Variants in MKLN1 observed in about 807,000 individuals in gnomAD.
MKLN1 encodes the protein muskelin.
A neutral mutation model predicts 99.0 loss-of-function variants in MKLN1; 18 were observed. The ratio of observed to expected loss-of-function variants is 0.18; its 90% CI spans 0.13 to 0.27. The LOEUF (loss-of-function observed/expected upper bound fraction) is 0.27. Among genes scored for constraint, MKLN1 ranks in the 10% least tolerant of loss-of-function variants. MKLN1 has a pLI of 1.00. For synonymous variants in MKLN1, 288 were observed against 293.2 expected (o/e 0.98, Z 0.18); for missense variants, 621 against 875.9 (o/e 0.71, Z 3.67).
chr7:131,405,421 T>G (rs956101140), intron 6 of MKLN1, among the ~76,000 whole-genome samples: 2 of 152,036 alleles, frequency 1.3e-5, no homozygotes, highest in African/African-American at 4.8e-5. Context: ...CAATTTTTGG[T>G]TTGTTCATCT....
intron 3 of MKLN1, among the ~76,000 whole-genome samples, chr7:131,230,893 G>A (rs1231567711): frequency 6.6e-6 from 1 of 152,040 alleles, no homozygotes; most frequent in Non-Finnish European, 1.5e-5. Flanking sequence ...GGCCGAGGCA[G>A]ATGGATCACT....
rs572345172 is a variant in MKLN1 at position 131,490,752 on chromosome 7, G to T, written c.*3024G>T. ...CTCAGTGATTTAAGCTTGTAAAACTGCATTCTTGGGCAAAATATTTATATT... is the reference window on the plus strand; with the variant it reads ...CTCAGTGATTTAAGCTTGTAAAACTTCATTCTTGGGCAAAATATTTATATT... On this transcript the variant is annotated 3_prime_UTR_variant, in exon 18 of 18. Transcript: ENST00000352689. 6.5e-6 allele frequency: 1 copy of T among 152,684 alleles called. No individual in the cohort carries two copies. Among genetic ancestry groups the T allele is most frequent in the East Asian group, 1.9e-4 (1 of 5,180 alleles). The allele number at this position is 152,684 out of a possible 1,614,324, so 9.5% of individuals were successfully genotyped here.
intron 3 of MKLN1, among the ~76,000 whole-genome samples, chr7:131,206,037 G>A (rs990790406): frequency 6.6e-6 from 1 of 152,166 alleles, no homozygotes; most frequent in South Asian, 2.1e-4. Context: ...GGGACTACAG[G>A]TGGGTGCCAC....
chr7:131,378,564 T>C (rs761541940), intron 2 of MKLN1, among the ~76,000 whole-genome samples: 11 of 152,218 alleles, frequency 7.2e-5, no homozygotes, highest in African/African-American at 2.7e-4. Context: ...ACGTGGTGGC[T>C]CATGCCTGTA....
At chr7:131,376,958 T>G (rs1016507128) in intron 2 of MKLN1, among the ~76,000 whole-genome samples, 8 of 152,280 alleles carry the variant, frequency 5.3e-5, no homozygotes, top group African/African-American at 1.7e-4. Flanking sequence ...TGACTAGCTG[T>G]TTTTTAACAT....
At chr7:131,192,693 C>G (rs530375738) in intron 2 of MKLN1, among the ~76,000 whole-genome samples, 5 of 151,642 alleles carry the variant, frequency 3.3e-5, no homozygotes, top group African/African-American at 9.7e-5. Context: ...AGGCACCCAC[C>G]ACCACGCCCT....
intron 12 of MKLN1, among the ~76,000 whole-genome samples, chr7:131,457,518 GA>G (rs1043635583): frequency 1.3e-5 from 2 of 151,922 alleles, no homozygotes; most frequent in Non-Finnish European, 2.9e-5. Context: ...AAAAGCGAGG[GA>G]AAAAAGATAA....
At chr7:131,155,734 T>C (rs68056161) in intron 2 of MKLN1, among the ~76,000 whole-genome samples, 34,977 of 152,148 alleles carry the variant, frequency 0.23, 5,310 homozygotes, top group East Asian at 0.66. Context: ...TTTTATACTT[T>C]AGAAAACGAA....
At chr7:131,347,586 G>A (rs1264574738) in intron 1 of MKLN1, among the ~76,000 whole-genome samples, 3 of 152,098 alleles carry the variant, frequency 2.0e-5, no homozygotes, top group African/African-American at 7.2e-5. Context: ...AGCTGGTAAA[G>A]GAAAAATAAA....
At chr7:131,277,786 T>G (rs1294908706) in intron 3 of MKLN1, among the ~76,000 whole-genome samples, 2 of 152,230 alleles carry the variant, frequency 1.3e-5, no homozygotes, top group Non-Finnish European at 2.9e-5. Context: ...TTGTCTTTTC[T>G]TCTTTAAAAG....
At chr7:131,335,864 T>C (rs557068688) in intron 1 of MKLN1, among the ~76,000 whole-genome samples, 41 of 152,154 alleles carry the variant, frequency 2.7e-4, no homozygotes, top group African/African-American at 9.9e-4. Context: ...TTTATAAATG[T>C]TTATGTACCC....
At chr7:131,196,527 AT>A (rs34216169) in intron 2 of MKLN1, among the ~76,000 whole-genome samples, 129,509 of 151,030 alleles carry the variant, frequency 0.86, 55,573 homozygotes, top group East Asian at 1. Context: ...CGACACATTC[AT>A]TTTTTTTTTT....
chr7:131,472,947 C>CAAAAAA (rs34420594), intron 16 of MKLN1, among the ~76,000 whole-genome samples: 2 of 81,150 alleles, frequency 2.5e-5, no homozygotes, highest in African/African-American at 4.7e-5. Context: ...GATTCCATCT[C>CAAAAAA]AAAAAAAAAA....
In MKLN1 at chr7:131,153,665, T is replaced by TG. The variant is rs1473254124; in HGVS notation, c.-297+10724_-297+10725insG. Among the ~76,000 whole-genome samples, 28 of 99,322 alleles carry TG rather than the reference T, an allele frequency of 2.8e-4. 1 individual carries two copies. In the East Asian group the frequency reaches 4.0e-3, roughly 14 times the overall value. 65.2% of individuals were successfully genotyped at this position (99,322 alleles called of 152,430 possible). On this transcript the variant is annotated intron_variant, in intron 2 of 7. Transcript: ENST00000416992. ...CAAAATGAAAGTAGGTTTTTTTTGG[T>TG]TTTTTTTTTTTTTTTGAGAAGGAGT...
chr7:131,115,603 C>T (rs1795263838), intron 1 of MKLN1, among the ~76,000 whole-genome samples: 1 of 152,144 alleles, frequency 6.6e-6, no homozygotes, highest in Admixed American at 6.5e-5. Flanking sequence ...GTGATAAAGT[C>T]CAGACTCCTC....
intron 2 of MKLN1, among the ~76,000 whole-genome samples, chr7:131,143,161 C>G (rs1795762153): frequency 6.6e-6 from 1 of 152,132 alleles, no homozygotes; most frequent in Non-Finnish European, 1.5e-5. Context: ...ATTTTCTCCT[C>G]TGTTTCATGA....
chr7:131,282,176 T>A (rs1374826187), intron 3 of MKLN1, among the ~76,000 whole-genome samples: 3 of 151,754 alleles, frequency 2.0e-5, no homozygotes, highest in African/African-American at 4.8e-5. Context: ...ATGGAGAAAC[T>A]TCATCTCTAC....
At chr7:131,269,893 ACTTTT>A (rs1554544817) in intron 3 of MKLN1, among the ~76,000 whole-genome samples, 2 of 151,840 alleles carry the variant, frequency 1.3e-5, no homozygotes, top group African/African-American at 2.4e-5. Context: ...TATGGAGGTA[ACTTTT>A]CTTTTCTTTT....
At chr7:131,214,845 A>G (rs1796956598) in intron 3 of MKLN1, among the ~76,000 whole-genome samples, 1 of 152,232 alleles carries the variant, frequency 6.6e-6, no homozygotes, top group Non-Finnish European at 1.5e-5. Context: ...TTAATTCATG[A>G]ATATGGTATA....
Sources: allele counts gnomAD v4.1 joint callset (sites outside exome capture counted in the v4.1 genomes callset), GRCh38; gene constraint gnomAD v4.1.1; transcripts MANE v1.5; gene names NCBI Gene and HGNC (gene_info 2026-07-23, HGNC 2026-07-21).